The following LRRIQ3 variants were observed in gnomAD, a reference collection of about 807,000 sequenced individuals.
LRRIQ3 encodes leucine-rich repeat and IQ domain-containing protein 3.
LRRIQ3 carries 75 observed loss-of-function variants against 59.3 expected under a neutral mutation model. The observed-to-expected ratio is 1.26, with a 90% CI of 1.05 to 1.53. LRRIQ3 has a LOEUF of 1.53. Ranked by LOEUF, LRRIQ3 falls within the 40% of genes most tolerant of loss-of-function variation. The pLI is 0.00. For synonymous variants in LRRIQ3, 250 were observed against 231.3 expected (o/e 1.08, Z -0.73); for missense variants, 831 against 710.0 (o/e 1.17, Z -1.94).
At chr1:74,115,238 A>G (rs1437080493) in intron 4 of LRRIQ3, among the ~76,000 whole-genome samples, 1 of 152,164 alleles carries the variant, frequency 6.6e-6, no homozygotes, top group Non-Finnish European at 1.5e-5. Context: ...TTAAAAATCC[A>G]AAGTCTAATG....
intron 3 of LRRIQ3, among the ~76,000 whole-genome samples, chr1:74,161,266 A>C (rs533991939): frequency 6.6e-6 from 1 of 152,082 alleles, no homozygotes; most frequent in South Asian, 2.1e-4. Flanking sequence ...TCCACCTCCA[A>C]ATACCATCAT....
intron 4 of LRRIQ3, among the ~76,000 whole-genome samples, chr1:74,132,394 C>G (rs1049572207): frequency 1.3e-5 from 2 of 152,110 alleles, no homozygotes; most frequent in African/African-American, 4.8e-5. Context: ...CAAAAATGAG[C>G]CCGCATTGCC....
chr1:74,106,380 G>T (rs1646613100), intron 5 of LRRIQ3, among the ~76,000 whole-genome samples: 1 of 151,948 alleles, frequency 6.6e-6, no homozygotes, highest in Non-Finnish European at 1.5e-5. Context: ...GATGGCGGGG[G>T]GAGGAAGGGA....
intron 3 of LRRIQ3, among the ~76,000 whole-genome samples, chr1:74,175,967 G>A (rs1404502642): frequency 6.6e-6 from 1 of 152,052 alleles, no homozygotes; most frequent in Non-Finnish European, 1.5e-5. Context: ...AGAACAACCT[G>A]AGACAGTGTT....
intron 3 of LRRIQ3, among the ~76,000 whole-genome samples, chr1:74,163,240 T>C (rs185624909): frequency 1.1e-3 from 163 of 151,748 alleles, no homozygotes; most frequent in African/African-American, 3.8e-3. Context: ...ATATCATTTT[T>C]ACCTTTTTAT....
At chr1:74,044,424 C>G (rs2100397333) in intron 6 of LRRIQ3, among the ~76,000 whole-genome samples, 1 of 152,156 alleles carries the variant, frequency 6.6e-6, no homozygotes, top group Middle Eastern at 3.4e-3. Context: ...TCTGGCACCT[C>G]TGTCTTCATG....
intron 4 of LRRIQ3, among the ~76,000 whole-genome samples, chr1:74,124,420 C>T (rs1646905888): frequency 6.6e-6 from 1 of 151,824 alleles, no homozygotes; most frequent in Non-Finnish European, 1.5e-5. Flanking sequence ...GAGTATTACT[C>T]AAAGCTTGTT....
chr1:74,121,630 C>T (rs1014628809), intron 4 of LRRIQ3, among the ~76,000 whole-genome samples: 8 of 151,686 alleles, frequency 5.3e-5, no homozygotes, highest in South Asian at 2.1e-4. Flanking sequence ...ATGTGCACAA[C>T]GTGCAGGTTA....
intron 7 of LRRIQ3, among the ~76,000 whole-genome samples, chr1:74,027,637 G>A (rs781653647): frequency 6.6e-6 from 1 of 152,092 alleles, no homozygotes; most frequent in Non-Finnish European, 1.5e-5. Flanking sequence ...CACCCAGCCT[G>A]TGATATTTTG....
At chr1:74,185,985 C>T (rs1276453693) in intron 1 of LRRIQ3, among the ~76,000 whole-genome samples, 1 of 151,242 alleles carries the variant, frequency 6.6e-6, no homozygotes. Context: ...TCACATAATG[C>T]TAAAGGTGGC....
intron 6 of LRRIQ3, among the ~76,000 whole-genome samples, chr1:74,073,620 A>AAC (rs1553164139): frequency 4.4e-4 from 67 of 151,264 alleles, no homozygotes; most frequent in Middle Eastern, 3.4e-3. Context: ...TAAAAAAAAA[A>AAC]AAAAACAGTT....
chr1:74,114,735 A>T (rs1332825221), intron 4 of LRRIQ3, among the ~76,000 whole-genome samples: 26 of 137,070 alleles, frequency 1.9e-4, no homozygotes, highest in African/African-American at 7.2e-4. Context: ...ACTCCGTCTT[A>T]AAAAAAAAAA....
intron 3 of LRRIQ3, among the ~76,000 whole-genome samples, chr1:74,172,672 A>T (rs1649398780): frequency 6.6e-6 from 1 of 152,104 alleles, no homozygotes; most frequent in Admixed American, 6.5e-5. Flanking sequence ...AAAGTGGGGT[A>T]TTGAAGTTTT....
intron 6 of LRRIQ3, among the ~76,000 whole-genome samples, chr1:74,055,548 A>G (rs1427830460): frequency 6.6e-6 from 1 of 152,146 alleles, no homozygotes; most frequent in Admixed American, 6.6e-5. Context: ...GTAATTGAGT[A>G]TCATTCATTA....
At chr1:74,185,014 T>A (rs1010751530) in intron 1 of LRRIQ3, among the ~76,000 whole-genome samples, 2 of 152,202 alleles carry the variant, frequency 1.3e-5, no homozygotes, top group African/African-American at 2.4e-5. Flanking sequence ...TAACATTCCA[T>A]CGCATGGATG....
chr1:74,075,746 T>A (rs1646199387), intron 5 of LRRIQ3, among the ~76,000 whole-genome samples: 1 of 152,170 alleles, frequency 6.6e-6, no homozygotes, highest in Admixed American at 6.5e-5. Flanking sequence ...CATCCAGGAC[T>A]GTTACGGAGC....
At chr1:74,035,855 C>T (rs1439557951) in intron 7 of LRRIQ3, among the ~76,000 whole-genome samples, 1 of 152,078 alleles carries the variant, frequency 6.6e-6, no homozygotes, top group Non-Finnish European at 1.5e-5. Context: ...CTATTTTGAA[C>T]TTTCCAACTT....
intron 7 of LRRIQ3, among the ~76,000 whole-genome samples, chr1:74,034,635 G>GACACAC (rs10567002): frequency 1.2e-4 from 17 of 146,882 alleles, no homozygotes; most frequent in African/African-American, 4.0e-4. Flanking sequence ...AGCACACACA[G>GACACAC]ACACACACAC....
At chr1:74,126,241 C>A (rs564352457) in intron 4 of LRRIQ3, among the ~76,000 whole-genome samples, 9 of 151,338 alleles carry the variant, frequency 5.9e-5, no homozygotes, top group Non-Finnish European at 1.2e-4. Flanking sequence ...GGTCTTCTCT[C>A]TTTTTTTCTT....
Sources: gnomAD v4.1 joint callset for allele counts (sites outside exome capture counted in the v4.1 genomes callset) on GRCh38, gnomAD v4.1.1 for gene constraint, MANE v1.5 for transcripts, NCBI Gene and HGNC (gene_info 2026-07-23, HGNC 2026-07-21) for gene names.